CREG2: variants seen among roughly 807,000 people sequenced by gnomAD.
CREG2 encodes the protein cellular repressor of E1A stimulated genes 2, also known as protein CREG2.
Under a neutral mutation model 26.2 loss-of-function variants are expected in CREG2, and 24 were observed. The observed-to-expected ratio is 0.92, with a 90% CI of 0.66 to 1.29. The LOEUF is 1.29. CREG2 is among the 50% of genes most tolerant of loss of function. The probability of loss-of-function intolerance (pLI) is 0.00; values close to 1 mark genes in which losing one functional copy is unlikely to be tolerated. For missense variants in CREG2, 366 were observed against 398.6 expected (o/e 0.92, Z 0.70); for synonymous variants, 174 against 169.2 (o/e 1.03, Z -0.22).
rs1684337946 is a variant in CREG2, at chr2:101,348,773, T to C, written c.*2150A>G. On this transcript the variant is annotated 3_prime_UTR_variant, in exon 4 of 4. Transcript: ENST00000324768. ...TTTTTTTTCTTTCGATCTGTATGCATTTAATCTCTTTTTCTTGCCTTATTG... is the reference window on the plus strand; with the variant it reads ...TTTTTTTTCTTTCGATCTGTATGCACTTAATCTCTTTTTCTTGCCTTATTG... The C allele has an allele frequency of 6.6e-6, 1 of 152,158 alleles. No homozygotes were observed. The highest frequency in any genetic ancestry group is 2.1e-4 in the South Asian group (1 of 4,824). The allele number at this position is 152,158 out of a possible 1,614,324, so 9.4% of individuals were successfully genotyped here. A position where few individuals can be genotyped will look rare whatever the true frequency, so the allele number is the denominator to read the frequency against.
intron 2 of CREG2, among the ~76,000 whole-genome samples, chr2:101,359,856 G>C (rs1573304857): frequency 6.6e-6 from 1 of 152,202 alleles, no homozygotes; most frequent in Non-Finnish European, 1.5e-5. Flanking sequence ...AAAGGCTTCA[G>C]GGGTCTCCAA....
intron 3 of CREG2, among the ~76,000 whole-genome samples, chr2:101,354,244 T>A (rs1426315850): frequency 6.6e-6 from 1 of 152,038 alleles, no homozygotes; most frequent in Non-Finnish European, 1.5e-5. Flanking sequence ...TAGAGTTGAG[T>A]TTAAAAGCTA....
intron 1 of CREG2, among the ~76,000 whole-genome samples, chr2:101,385,761 C>T (rs113949590): frequency 2.0e-5 from 3 of 152,308 alleles, no homozygotes; most frequent in African/African-American, 7.2e-5. Context: ...CAGAGTCATG[C>T]TTTGCATCCA....
chr2:101,349,397 CTCG>C lies in CREG2; in HGVS notation c.*1523_*1525del, dbSNP rs757910923. ...AAAATATATTTTGACAACTCAAGCT[CTCG>C]TCGTATGTTATTTTGTTAAGCAAAA... On this transcript the variant is annotated 3_prime_UTR_variant, in exon 4 of 4. Transcript: ENST00000324768. The C allele has an allele frequency of 2.2e-4, 33 of 152,592 alleles. No homozygotes were observed. The highest frequency in any genetic ancestry group is 3.8e-4 in the Non-Finnish European group (26 of 68,032). The allele number at this position is 152,592 out of a possible 1,614,324, so 9.5% of individuals were successfully genotyped here.
At chr2:101,355,097 T>G (rs1403112104) in intron 3 of CREG2, among the ~76,000 whole-genome samples, 156 bp downstream of exon 3, 1 of 152,218 alleles carries the variant, frequency 6.6e-6, no homozygotes, top group East Asian at 1.9e-4. Flanking sequence ...CCACTGCTAG[T>G]GATCTCCATA....
rs1043328109 is a variant in CREG2 at position 101,387,135 on chromosome 2, C to A, written c.323G>T (p.Arg108Leu). Residue 108 changes from arginine (R) to leucine (L), a missense_variant, in exon 1 of 4, where the codon CGC (arginine) becomes CTC (leucine). Coordinates refer to ENST00000324768, the MANE Select transcript of CREG2 (RefSeq NM_153836.4). The surrounding 1 kb of genome is among the most constrained non-coding windows in gnomAD (Gnocchi z 4.7). ...CGCACTGGCCGTCTGGCCGCCCTCG[C>A]GCCGGTAGGAGAACATCCCGGGTGG... is the stretch of plus-strand genomic sequence containing the variant. ...PAPPGMFSYR[R>L]EGGQTASAPP... 1 of 1,248,214 alleles carries A rather than the reference C, an allele frequency of 8.0e-7. No homozygotes were observed. Among genetic ancestry groups the A allele is most frequent in the African/African-American group, 1.6e-5 (1 of 64,276 alleles). The allele number at this position is 1,248,214 out of a possible 1,614,324, so 77.3% of individuals were successfully genotyped here. A position where few individuals can be genotyped will look rare whatever the true frequency, so the allele number is the denominator to read the frequency against.
intron 1 of CREG2, among the ~76,000 whole-genome samples, chr2:101,386,668 C>G (rs977142572): frequency 2.0e-5 from 3 of 152,222 alleles, no homozygotes; most frequent in Admixed American, 2.0e-4. Flanking sequence ...CCCGCCTACT[C>G]TGCGATTCCA....
chr2:101,356,092 T>C (rs559854043), intron 2 of CREG2, among the ~76,000 whole-genome samples: 3 of 152,252 alleles, frequency 2.0e-5, no homozygotes, highest in East Asian at 3.9e-4. Context: ...AGGAAGGTGA[T>C]CTTTCCCTGA....
Position 101,382,640 on chromosome 2 carries a change from T to TA in CREG2, c.611+892_611+893insT, listed in dbSNP as rs370963243. On this transcript the variant is annotated intron_variant, in intron 2 of 3. Transcript: ENST00000324768. ...GTGGCTGAGGGGAAACAATGGCTTA[T>TA]CCAGGATGCATCTTGCATTGTATAG... is the stretch of plus-strand genomic sequence containing the variant. The TA allele has an allele frequency of 1.5e-5, 15 of 985,456 alleles. No homozygotes were observed. The African/African-American group carries it at 2.3e-4, about 15-fold the overall frequency. The allele number at this position is 985,456 out of a possible 1,614,324, so 61.0% of individuals were successfully genotyped here. A position where few individuals can be genotyped will look rare whatever the true frequency, so the allele number is the denominator to read the frequency against.
intron 1 of CREG2, among the ~76,000 whole-genome samples, chr2:101,384,759 A>G (rs925060705): frequency 1.3e-5 from 2 of 152,144 alleles, no homozygotes; most frequent in African/African-American, 4.8e-5. Flanking sequence ...TACTCGAAAG[A>G]CTGAGGCAGC....
intron 2 of CREG2, among the ~76,000 whole-genome samples, chr2:101,372,967 A>G (rs535197348): frequency 1.3e-5 from 2 of 152,350 alleles, no homozygotes; most frequent in South Asian, 2.1e-4. Context: ...AAGGACAGGT[A>G]TGATAAAAAA....
In CREG2 at chr2:101,351,855, A is replaced by T. The variant is rs116177803; in HGVS notation, c.726-785T>A. ...GGGAAAAACATTTATTACAAAGCAA[A>T]TGCAATAATAGGTTGATGATCTTTA... On this transcript the variant is annotated intron_variant, in intron 3 of 3. Coordinates refer to ENST00000324768, the MANE Select transcript of CREG2 (RefSeq NM_153836.4). Among the ~76,000 whole-genome samples, 448 of 152,240 alleles carry T rather than the reference A, an allele frequency of 2.9e-3. 3 individuals are homozygous for T. The highest frequency in any genetic ancestry group is 0.01 in the African/African-American group (425 of 41,548).
chr2:101,381,115 G>A (rs116512462), intron 2 of CREG2, among the ~76,000 whole-genome samples: 1,796 of 152,308 alleles, frequency 0.012, 33 homozygotes, highest in African/African-American at 0.04. Context: ...GGGAGATGCT[G>A]TGAAGCTCTG....
At chr2:101,377,261 AAG>A (rs1684807604) in intron 2 of CREG2, among the ~76,000 whole-genome samples, 1 of 152,220 alleles carries the variant, frequency 6.6e-6, no homozygotes, top group African/African-American at 2.4e-5. Context: ...TAAAAAAAAA[AAG>A]AAATGTTTTT....
chr2:101,363,002 T>C (rs1402538584), intron 2 of CREG2, among the ~76,000 whole-genome samples: 3 of 152,150 alleles, frequency 2.0e-5, no homozygotes, highest in African/African-American at 4.8e-5. Context: ...GCTGGCCTGG[T>C]CCCCACCCAG....
In CREG2 at chr2:101,381,883, C is replaced by T. The variant is rs566228080; in HGVS notation, c.611+1650G>A. Among the ~76,000 whole-genome samples the T allele has an allele frequency of 5.3e-5, 8 of 152,310 alleles. No individual in the cohort carries two copies. The East Asian group carries it at 1.5e-3, about 29-fold the overall frequency. On this transcript the variant is annotated intron_variant, in intron 2 of 3. Coordinates refer to ENST00000324768, the MANE Select transcript of CREG2 (RefSeq NM_153836.4). ...GCTCTAGGCTGTGCAGGCAAGTCTT[C>T]CCAAGGGACTGAAGGAAGTCACCCT...
chr2:101,363,851 AACACACACACAC>A (rs5832961), intron 2 of CREG2, among the ~76,000 whole-genome samples: 10 of 145,988 alleles, frequency 6.8e-5, no homozygotes, highest in African/African-American at 2.3e-4. Context: ...CCCTGTCTCA[AACACACACACAC>A]ACACACACAC....
At chr2:101,377,963 C>G (rs561057530) in intron 2 of CREG2, among the ~76,000 whole-genome samples, 1 of 152,112 alleles carries the variant, frequency 6.6e-6, no homozygotes, top group South Asian at 2.1e-4. Context: ...TGAATATATT[C>G]AACATATGCA....
chr2:101,360,351 A>G (rs1163095776), intron 2 of CREG2, among the ~76,000 whole-genome samples: 10 of 152,294 alleles, frequency 6.6e-5, no homozygotes, highest in African/African-American at 2.2e-4. Context: ...CACTGAGGTT[A>G]CCTTAATAAA....
Sources: gnomAD v4.1 joint callset for allele counts (sites outside exome capture counted in the v4.1 genomes callset) on GRCh38, gnomAD v4.1.1 for gene constraint, Gnocchi (gnomAD v3.1) non-coding constraint, MANE v1.5 for transcripts, NCBI Gene and HGNC (gene_info 2026-07-23, HGNC 2026-07-21) for gene names.